DPP10: variants seen among roughly 807,000 people sequenced by gnomAD.
DPP10 encodes the protein dipeptidyl peptidase like 10.
DPP10 carries 33 observed loss-of-function variants against 120.9 expected under a neutral mutation model. The ratio of observed to expected loss-of-function variants is 0.27; its 90% CI spans 0.21 to 0.37. The LOEUF is 0.37. DPP10 is among the 10% of genes least tolerant of loss of function. The pLI is 1.00. For synonymous variants in DPP10, 337 were observed against 326.1 expected (o/e 1.03, Z -0.36); for missense variants, 816 against 942.8 (o/e 0.87, Z 1.76).
intron 1 of DPP10, among the ~76,000 whole-genome samples, chr2:114,624,237 T>C (rs895367600): frequency 3.3e-5 from 5 of 151,846 alleles, no homozygotes; most frequent in African/African-American, 1.2e-4. Flanking sequence ...AAAGTGTGGG[T>C]GGCCTCTCTA....
chr2:115,227,570 C>A (rs1400915153), intron 1 of DPP10, among the ~76,000 whole-genome samples: 1 of 152,178 alleles, frequency 6.6e-6, no homozygotes, highest in Non-Finnish European at 1.5e-5. Flanking sequence ...CCACTTTAGT[C>A]ACCTTTCCTT....
chr2:114,972,271 A>T (rs1227622084), intron 1 of DPP10, among the ~76,000 whole-genome samples: 3 of 152,210 alleles, frequency 2.0e-5, no homozygotes, highest in Non-Finnish European at 4.4e-5. Flanking sequence ...TAGGGAAACA[A>T]CTGATTAGGG....
intron 1 of DPP10, among the ~76,000 whole-genome samples, chr2:115,041,457 C>G (rs1001284725): frequency 6.6e-6 from 1 of 152,058 alleles, no homozygotes; most frequent in Admixed American, 6.5e-5. Flanking sequence ...TGTCATTCTC[C>G]CTAACTATGA....
intron 1 of DPP10, among the ~76,000 whole-genome samples, chr2:114,837,066 A>G (rs766963409): frequency 6.4e-4 from 98 of 152,132 alleles, no homozygotes; most frequent in Non-Finnish European, 1.2e-3. Flanking sequence ...AGTTAATGCA[A>G]TCATCACAGG....
chr2:115,222,363 C>T (rs1226045829), intron 1 of DPP10, among the ~76,000 whole-genome samples: 1 of 152,120 alleles, frequency 6.6e-6, no homozygotes, highest in Non-Finnish European at 1.5e-5. Flanking sequence ...TCCCCACCCA[C>T]ATTTCATCTT....
At chr2:114,456,832 A>G (rs1020968746) in intron 1 of DPP10, among the ~76,000 whole-genome samples, 2 of 152,214 alleles carry the variant, frequency 1.3e-5, no homozygotes, top group African/African-American at 4.8e-5. Flanking sequence ...CCAAGGGCAG[A>G]TATGAAGCCA....
At chr2:115,579,804 T>A (rs938085069) in intron 5 of DPP10, 9 of 152,208 alleles carry the variant, frequency 5.9e-5, no homozygotes, top group Admixed American at 1.3e-4. Context: ...ACACATTTTT[T>A]AAAAATTAAT....
intron 1 of DPP10, among the ~76,000 whole-genome samples, chr2:114,672,123 G>A (rs1017646682): frequency 2.6e-5 from 4 of 151,916 alleles, no homozygotes; most frequent in African/African-American, 7.3e-5. Flanking sequence ...TCCCAACATG[G>A]GCTGCATATC....
At chr2:114,445,930 T>G (rs1208917331) in intron 1 of DPP10, among the ~76,000 whole-genome samples, 1 of 152,202 alleles carries the variant, frequency 6.6e-6, no homozygotes. Context: ...CAATTCACTC[T>G]GAAAACTTTC....
chr2:115,665,475 A>G (rs1337129841), intron 5 of DPP10, among the ~76,000 whole-genome samples: 1 of 152,208 alleles, frequency 6.6e-6, no homozygotes, highest in Non-Finnish European at 1.5e-5. Context: ...ATTGAAATTT[A>G]AAATAAGAAG....
intron 1 of DPP10, among the ~76,000 whole-genome samples, chr2:114,506,292 C>G (rs1014342427): frequency 6.6e-6 from 1 of 152,222 alleles, no homozygotes; most frequent in African/African-American, 2.4e-5. Context: ...TTCAGAGGGA[C>G]AGCTTGATGG....
At chr2:114,456,569 A>G (rs13408902) in intron 1 of DPP10, among the ~76,000 whole-genome samples, 19,211 of 152,222 alleles carry the variant, frequency 0.13, 2,891 homozygotes, top group African/African-American at 0.36. Context: ...ACTTATTATC[A>G]ACAGGATATG....
chr2:114,958,926 T>C (rs1446868737), intron 1 of DPP10, among the ~76,000 whole-genome samples: 1 of 152,224 alleles, frequency 6.6e-6, no homozygotes, highest in Non-Finnish European at 1.5e-5. Flanking sequence ...TGTAGATCAC[T>C]CTATTATTTC....
At position 115,474,358 on chromosome 2, in the gene DPP10, C is replaced by T. The variant is rs151174480; in HGVS notation, c.272-25152C>T. Among the ~76,000 whole-genome samples the T allele has an allele frequency of 1.1e-3, 167 of 152,228 alleles. 3 individuals carry two copies. The East Asian group carries it at 0.022, about 20-fold the overall frequency. On this transcript the variant is annotated intron_variant, in intron 3 of 25. Coordinates refer to ENST00000410059, the MANE Select transcript of DPP10 (RefSeq NM_020868.6). Reference sequence around the variant, plus strand: ...CTTAGCCAGGCTCTAATGGGTTCAGCCCATGGAGGTAGGAATTAGAAAACA... The same window carrying T: ...CTTAGCCAGGCTCTAATGGGTTCAGTCCATGGAGGTAGGAATTAGAAAACA...
At chr2:115,356,953 A>G (rs926410944) in intron 3 of DPP10, among the ~76,000 whole-genome samples, 5 of 152,194 alleles carry the variant, frequency 3.3e-5, no homozygotes, top group African/African-American at 7.2e-5. Context: ...ACTGCTTTCT[A>G]TAGTGGCTGA....
intron 1 of DPP10, among the ~76,000 whole-genome samples, chr2:114,567,115 C>A (rs535226910): frequency 1.0e-3 from 157 of 152,242 alleles, no homozygotes; most frequent in Non-Finnish European, 1.6e-3. Flanking sequence ...TAGGTGTTAA[C>A]GGCTGAGATC....
intron 1 of DPP10, among the ~76,000 whole-genome samples, chr2:114,449,792 T>C (rs1218215246): frequency 1.3e-5 from 2 of 152,222 alleles, no homozygotes; most frequent in East Asian, 3.8e-4. Flanking sequence ...TAAGGAGTTG[T>C]ATAGTGAGAA....
At chr2:114,772,285 G>A (rs111691280) in intron 1 of DPP10, among the ~76,000 whole-genome samples, 9,520 of 151,844 alleles carry the variant, frequency 0.063, 1,035 homozygotes, top group African/African-American at 0.22. Context: ...AGCCCACCGA[G>A]TAGCTGGGAC....
intron 11 of DPP10, among the ~76,000 whole-genome samples, chr2:115,754,081 TC>T: frequency 6.6e-6 from 1 of 152,206 alleles, no homozygotes; most frequent in South Asian, 2.1e-4. Flanking sequence ...AATGCTGAAA[TC>T]AAGTAAATGC....
Sources: gnomAD v4.1 joint callset for allele counts (sites outside exome capture counted in the v4.1 genomes callset) on GRCh38, gnomAD v4.1.1 for gene constraint, MANE v1.5 for transcripts, NCBI Gene and HGNC (gene_info 2026-07-23, HGNC 2026-07-21) for gene names.